NUGGC: variants seen among roughly 807,000 people sequenced by gnomAD.
NUGGC encodes the protein nuclear GTPase SLIP-GC.
NUGGC carries 58 observed loss-of-function variants against 92.6 expected under a neutral mutation model. That is an observed-to-expected ratio of 0.63 (90% CI 0.51 to 0.78). The LOEUF (loss-of-function observed/expected upper bound fraction) is 0.78. Ranked by LOEUF, NUGGC falls within the 30% of genes least tolerant of loss-of-function variation. The pLI, the probability that NUGGC is intolerant of heterozygous loss-of-function variation, is 0.00. For missense variants in NUGGC, 925 were observed against 964.6 expected, an observed-to-expected ratio of 0.96 and a Z score of 0.54; for synonymous variants, 376 against 366.4, an observed-to-expected ratio of 1.03 and a Z score of -0.30.
chr8:28,066,353 CATTT>C lies in NUGGC; in HGVS notation c.711+1157_711+1160del, dbSNP rs1034601694. 2.0e-5 allele frequency among the ~76,000 whole-genome samples: 3 copies of C among 152,250 alleles called. No individual in the cohort carries two copies. The South Asian group carries it at 6.2e-4, about 32-fold the overall frequency. On this transcript the variant is annotated intron_variant, in intron 6 of 18. Coordinates refer to ENST00000413272, the MANE Select transcript of NUGGC (RefSeq NM_001010906.2). ...TAACATGCTTTGAAAAGGTTTCATT[CATTT>C]GATTTTTAAGTGTGCCTAGTCAAGC...
chr8:28,074,167 C>T (rs570588041), intron 2 of NUGGC, among the ~76,000 whole-genome samples: 1 of 151,606 alleles, frequency 6.6e-6, no homozygotes, highest in Non-Finnish European at 1.5e-5. Context: ...CAGTTCACTT[C>T]ATTATGAACA....
At chr8:28,066,680 A>G (rs1349001807) in intron 6 of NUGGC, among the ~76,000 whole-genome samples, 1 of 152,236 alleles carries the variant, frequency 6.6e-6, no homozygotes, top group Non-Finnish European at 1.5e-5. Context: ...TTGATTCCAC[A>G]AATATTTTGT....
In NUGGC at chr8:28,047,581, T is replaced by C. The variant is rs570646762; in HGVS notation, c.1238A>G (p.Glu413Gly). The C allele has an allele frequency of 3.2e-6, 5 of 1,565,474 alleles. No homozygotes were observed. The African/African-American group carries it at 6.8e-5, about 21-fold the overall frequency. Reference protein sequence around the residue: ...RKLPADFKVLEASDLVYTVSA... With the variant: ...RKLPADFKVLGASDLVYTVSA... ...GACTGTATACACCAGATCTGAGGCT[T>C]CCAGAACCTTGAAGTCAGCTGGCAG... The change falls in exon 11 of 19, where the codon GAA becomes GGA. Residue 413 changes from glutamate to glycine, a missense_variant. Physicochemically the swap from Glu to Gly is moderately conservative, Grantham distance 98. Transcript: ENST00000413272.
chr8:28,041,595 G>C (rs13273244), intron 12 of NUGGC, among the ~76,000 whole-genome samples: 2 of 152,258 alleles, frequency 1.3e-5, no homozygotes, highest in East Asian at 1.9e-4. Flanking sequence ...TCACGGGCTT[G>C]GACTCTGCAC....
At chr8:28,050,156 C>T (rs148760305) in intron 10 of NUGGC, among the ~76,000 whole-genome samples, 3,824 of 152,134 alleles carry the variant, frequency 0.025, 165 homozygotes, top group African/African-American at 0.087. Context: ...GAGGCCGAGG[C>T]GGGCAAATCA....
chr8:28,053,928 C>G (rs1296566490), intron 10 of NUGGC, among the ~76,000 whole-genome samples: 2 of 152,100 alleles, frequency 1.3e-5, no homozygotes, highest in Non-Finnish European at 2.9e-5. Context: ...TGATATTGCG[C>G]TAGAAACAAA....
chr8:28,073,534 G>T (rs902938423), intron 2 of NUGGC, among the ~76,000 whole-genome samples: 2 of 152,098 alleles, frequency 1.3e-5, no homozygotes, highest in Non-Finnish European at 2.9e-5. Context: ...AAACACAAAG[G>T]ATATGATACG....
At position 28,069,544 on chromosome 8, in the gene NUGGC, A is replaced by G; in HGVS notation, c.257T>C (p.Ile86Thr). ...DSIPNGVKYL[I>T]NRLLALIEKP... is the part of the protein sequence containing the mutation. ...TCAGGGTTGCAGATTTCAGACTCAC[A>G]TGAGATACTTGACTCCATTAGGGAT... Residue 86 changes from isoleucine (I) to threonine (T), a missense_variant and splice_region_variant, in exon 4 of 19, where the codon ATA (isoleucine) becomes ACA (threonine). Coordinates refer to ENST00000413272, the MANE Select transcript of NUGGC (RefSeq NM_001010906.2). 7 of 1,503,364 alleles carry G rather than the reference A, an allele frequency of 4.7e-6. No homozygotes were observed. Among genetic ancestry groups the G allele is most frequent in the Non-Finnish European group, 6.5e-6 (7 of 1,080,768 alleles). 93.1% of individuals were successfully genotyped at this position (1,503,364 alleles called of 1,614,324 possible).
chr8:28,024,502 C>A (rs1050025462), intron 18 of NUGGC, among the ~76,000 whole-genome samples: 46 of 152,300 alleles, frequency 3.0e-4, no homozygotes, highest in African/African-American at 1.1e-3. Context: ...TGTGGGCCAA[C>A]TTCTTAAAAT....
At chr8:28,070,684 C>T (rs1221003122) in intron 2 of NUGGC, among the ~76,000 whole-genome samples, 3 of 151,108 alleles carry the variant, frequency 2.0e-5, no homozygotes, top group Non-Finnish European at 3.0e-5. Context: ...CAACCTCAAC[C>T]TCCCAGGCTC....
intron 13 of NUGGC, among the ~76,000 whole-genome samples, chr8:28,037,458 C>G (rs1809584346): frequency 6.6e-6 from 1 of 152,208 alleles, no homozygotes. Flanking sequence ...CCTCCAGGGC[C>G]AGGCTCCAAC....
chr8:28,055,296 T>C (rs1253338172), intron 10 of NUGGC, among the ~76,000 whole-genome samples: 1 of 151,372 alleles, frequency 6.6e-6, no homozygotes, highest in Non-Finnish European at 1.5e-5. Flanking sequence ...AGAGGCTGAG[T>C]TTTCCTTGAA....
intron 1 of NUGGC, among the ~76,000 whole-genome samples, chr8:28,077,394 CA>C (rs11291704): frequency 0.51 from 67,766 of 133,306 alleles, 16,793 homozygotes; most frequent in Middle Eastern, 0.6. Flanking sequence ...TTGACACTAC[CA>C]AAAAAAAAAA....
intron 10 of NUGGC, among the ~76,000 whole-genome samples, chr8:28,052,280 G>T (rs1353369009): frequency 6.6e-6 from 1 of 152,180 alleles, no homozygotes; most frequent in Non-Finnish European, 1.5e-5. Flanking sequence ...TGCAGGCCAG[G>T]TGGCAGTCAC....
intron 1 of NUGGC, among the ~76,000 whole-genome samples, chr8:28,081,474 G>A (rs199578973): frequency 2.0e-5 from 3 of 152,116 alleles, no homozygotes; most frequent in East Asian, 3.9e-4. Flanking sequence ...TGTCATCCAG[G>A]CCACGTCTGT....
intron 1 of NUGGC, among the ~76,000 whole-genome samples, chr8:28,082,760 G>T (rs373806482): frequency 1.5e-4 from 23 of 151,954 alleles, no homozygotes; most frequent in African/African-American, 5.6e-4. Flanking sequence ...TTTTTAATTA[G>T]CTGGGCATGG....
chr8:28,065,205 G>T (rs182805735), intron 6 of NUGGC, among the ~76,000 whole-genome samples: 10,340 of 132,418 alleles, frequency 0.078, 636 homozygotes, highest in Admixed American at 0.22. Context: ...CTGTTGCCCA[G>T]ACTGGAGTGC....
intron 11 of NUGGC, among the ~76,000 whole-genome samples, chr8:28,046,936 T>A (rs1432045865): frequency 6.6e-6 from 1 of 152,044 alleles, no homozygotes; most frequent in African/African-American, 2.4e-5. Context: ...CCCAAAGTGC[T>A]GGGATTACAG....
chr8:28,033,629 G>A lies in NUGGC; in HGVS notation c.1680C>T (p.Ala560=), dbSNP rs1809480010. ...GATCAATTCTCGCCAGAGTCCTGGA[G>A]GCATAGATGCCATTTTTCAGGCAAA... ...KAVCLKNGIY[A]SRTLARIDLN... Residue 560 remains alanine (A), a synonymous_variant, in exon 14 of 19, where the codon GCC becomes GCT. Transcript: ENST00000413272. 3.7e-6 allele frequency: 6 copies of A among 1,613,894 alleles called. No individual in the cohort carries two copies. The East Asian group carries it at 1.3e-4, about 36-fold the overall frequency.
Sources: gnomAD v4.1 joint callset for allele counts (sites outside exome capture counted in the v4.1 genomes callset) on GRCh38, gnomAD v4.1.1 for gene constraint, MANE v1.5 for transcripts, NCBI Gene and HGNC (gene_info 2026-07-23, HGNC 2026-07-21) for gene names.